HIPK3: variants seen among roughly 807,000 people sequenced by gnomAD.
The protein encoded by HIPK3 is homeodomain interacting protein kinase 3, also known as homeodomain-interacting protein kinase 3.
In HIPK3, 47 loss-of-function variants were observed where a neutral mutation model predicts 124.2. That is an observed-to-expected ratio of 0.38 (90% CI 0.30 to 0.48). HIPK3 has a LOEUF of 0.48. Among genes scored for constraint, HIPK3 ranks in the 20% least tolerant of loss-of-function variants. The pLI is 0.98. For missense variants in HIPK3, 1,286 were observed against 1,454.3 expected, an observed-to-expected ratio of 0.88 and a Z score of 1.88; for synonymous variants, 482 against 515.2, an observed-to-expected ratio of 0.94 and a Z score of 0.87.
intron 2 of HIPK3, among the ~76,000 whole-genome samples, chr11:33,310,199 AAT>A (rs1230487360): frequency 6.6e-6 from 1 of 152,042 alleles, no homozygotes; most frequent in African/African-American, 2.4e-5. Context: ...GGTAGCCACT[AAT>A]CACTGTGGCT....
At chr11:33,338,360 A>G (rs1474271224) in intron 4 of HIPK3, among the ~76,000 whole-genome samples, 7 of 152,154 alleles carry the variant, frequency 4.6e-5, no homozygotes, top group African/African-American at 1.2e-4. Flanking sequence ...CAGCCTCCCA[A>G]GTAGCTGGGA....
chr11:33,340,256 C>T (rs527681222), intron 6 of HIPK3, among the ~76,000 whole-genome samples: 3 of 152,188 alleles, frequency 2.0e-5, no homozygotes, highest in Admixed American at 6.5e-5. Context: ...GCAAATTTTT[C>T]GTAGAGATGG....
chr11:33,282,973 G>A (rs538901604), intron 1 of HIPK3, among the ~76,000 whole-genome samples: 3 of 152,266 alleles, frequency 2.0e-5, no homozygotes, highest in African/African-American at 7.2e-5. Flanking sequence ...GGATGAGTTT[G>A]ATACATATAG....
chr11:33,282,370 G>A (rs1851432942), intron 1 of HIPK3, among the ~76,000 whole-genome samples: 1 of 151,232 alleles, frequency 6.6e-6, no homozygotes, highest in Non-Finnish European at 1.5e-5. Context: ...GGGCAACAAA[G>A]ACTGTCTCAA....
rs1313074190 is a variant in HIPK3, at chr11:33,288,442, C to G, written c.1097+931C>G. Among the ~76,000 whole-genome samples, 8 of 152,088 alleles carry G rather than the reference C, an allele frequency of 5.3e-5. No individual in the cohort carries two copies. The East Asian group carries it at 1.5e-3, about 29-fold the overall frequency. On this transcript the variant is annotated intron_variant, in intron 2 of 16. Transcript: ENST00000303296. Reference sequence around the variant, plus strand: ...TGCACTCCAGCCTGGGCCACAAGAGCAAAACTCTGTCTCAAAAAAACAAAA... The same window carrying G: ...TGCACTCCAGCCTGGGCCACAAGAGGAAAACTCTGTCTCAAAAAAACAAAA...
At chr11:33,342,102 CAAAAAAAAAAAA>C (rs58073130) in intron 8 of HIPK3, among the ~76,000 whole-genome samples, 1 of 55,616 alleles carries the variant, frequency 1.8e-5, no homozygotes, top group Non-Finnish European at 3.3e-5. Context: ...GACTCTGTCT[CAAAAAAAAAAAA>C]AAAAAAAAAA....
chr11:33,318,853 T>C (rs1852581132), intron 2 of HIPK3, among the ~76,000 whole-genome samples: 1 of 152,252 alleles, frequency 6.6e-6, no homozygotes, highest in South Asian at 2.1e-4. Flanking sequence ...CAAAAATTAC[T>C]TCTGGGCCAA....
chr11:33,348,993 A>G (rs777435499), intron 13 of HIPK3, among the ~76,000 whole-genome samples, 154 bp from the exon 14 acceptor site: 5 of 152,226 alleles, frequency 3.3e-5, no homozygotes, highest in African/African-American at 9.6e-5. Flanking sequence ...CACGATTATT[A>G]TAGCATTTTC....
Position 33,353,420 on chromosome 11 carries a change from G to A in HIPK3, c.3500G>A (p.Gly1167Asp). ...PSGIVHQVPV[G>D]LNPRLLPSPT... ...GGCATAGTTCACCAAGTCCCAGTGGGCTTAAATCCCCGTCTGTTACCATCC... is the reference window on the plus strand; with the variant it reads ...GGCATAGTTCACCAAGTCCCAGTGGACTTAAATCCCCGTCTGTTACCATCC... Residue 1167 changes from glycine to aspartate, a missense_variant, in exon 17 of 17, where the codon GGC (glycine) becomes GAC (aspartate). By Grantham distance (94) the Gly-to-Asp change is moderately conservative. Coordinates refer to ENST00000303296, the MANE Select transcript of HIPK3 (RefSeq NM_005734.5). 1.9e-6 allele frequency: 3 copies of A among 1,614,008 alleles called. No individual in the cohort carries two copies. Among genetic ancestry groups the A allele is most frequent in the South Asian group, 2.2e-5 (2 of 91,086 alleles).
At chr11:33,274,372 T>G (rs1413151305) in intron 1 of HIPK3, among the ~76,000 whole-genome samples, 1 of 152,208 alleles carries the variant, frequency 6.6e-6, no homozygotes, top group Non-Finnish European at 1.5e-5. Flanking sequence ...GTGGTTCTTT[T>G]GAGACAGATT....
intron 1 of HIPK3, among the ~76,000 whole-genome samples, chr11:33,275,734 A>C (rs1306058958): frequency 6.6e-6 from 1 of 152,206 alleles, no homozygotes; most frequent in Non-Finnish European, 1.5e-5. Flanking sequence ...GTGAAGTTCT[A>C]CTTTTAGTCT....
chr11:33,302,940 A>G (rs1007930120), intron 2 of HIPK3, among the ~76,000 whole-genome samples: 9 of 152,196 alleles, frequency 5.9e-5, no homozygotes, highest in African/African-American at 2.2e-4. Context: ...ATAGGGCAAA[A>G]ACATTTTTAA....
chr11:33,301,279 T>C (rs1396213908), intron 2 of HIPK3, among the ~76,000 whole-genome samples: 3 of 152,204 alleles, frequency 2.0e-5, no homozygotes, highest in African/African-American at 7.2e-5. Flanking sequence ...TTCTTTAGCC[T>C]GAGACTTGGA....
chr11:33,313,086 A>G (rs1852398129), intron 2 of HIPK3, among the ~76,000 whole-genome samples: 1 of 152,206 alleles, frequency 6.6e-6, no homozygotes, highest in Non-Finnish European at 1.5e-5. Context: ...AAGCGCTTTG[A>G]AAAAATCAAG....
chr11:33,350,848 T>C (rs1048095036), intron 14 of HIPK3, among the ~76,000 whole-genome samples: 2 of 152,250 alleles, frequency 1.3e-5, no homozygotes, highest in Non-Finnish European at 2.9e-5. Context: ...AATTTTAATG[T>C]ATCTTCTTAA....
At chr11:33,320,780 G>A (rs905107031) in intron 2 of HIPK3, among the ~76,000 whole-genome samples, 9 of 152,216 alleles carry the variant, frequency 5.9e-5, no homozygotes, top group Non-Finnish European at 1.3e-4. Flanking sequence ...GTAGGACTGT[G>A]AGAGAAGTGA....
intron 4 of HIPK3, among the ~76,000 whole-genome samples, 200 bp from the exon 5 acceptor site, chr11:33,338,557 T>A (rs1468305570): frequency 6.6e-6 from 1 of 152,238 alleles, no homozygotes; most frequent in Non-Finnish European, 1.5e-5. Context: ...TGGGGTTTGT[T>A]ACATTTGTAA....
chr11:33,299,515 A>T (rs543165816), intron 2 of HIPK3, among the ~76,000 whole-genome samples: 1 of 152,164 alleles, frequency 6.6e-6, no homozygotes, highest in African/African-American at 2.4e-5. Flanking sequence ...ATGGAATCTA[A>T]TGCTGGTGGA....
At chr11:33,262,018 GTGTC>G (rs1202863878) in intron 1 of HIPK3, among the ~76,000 whole-genome samples, 6 of 152,284 alleles carry the variant, frequency 3.9e-5, no homozygotes, top group Non-Finnish European at 7.4e-5. Context: ...CTTTTGAAGA[GTGTC>G]TGTTCATGTG....
Sources: allele counts gnomAD v4.1 joint callset (sites outside exome capture counted in the v4.1 genomes callset), GRCh38; gene constraint gnomAD v4.1.1; transcripts MANE v1.5; gene names NCBI Gene and HGNC (gene_info 2026-07-23, HGNC 2026-07-21).